The following PPM1L variants were observed in gnomAD, a reference collection of about 807,000 sequenced individuals.
PPM1L encodes the protein protein phosphatase, Mg2+/Mn2+ dependent 1L, also known as protein phosphatase 1L.
Under a neutral mutation model 31.4 loss-of-function variants are expected in PPM1L, and 13 were observed. The ratio of observed to expected loss-of-function variants is 0.41; its 90% CI spans 0.27 to 0.66. PPM1L has a LOEUF of 0.66. Ranked by LOEUF, PPM1L falls within the 30% of genes least tolerant of loss-of-function variation. PPM1L has a pLI of 0.29. For synonymous variants in PPM1L, 184 were observed against 175.4 expected, an observed-to-expected ratio of 1.05 and a Z score of -0.39; for missense variants, 326 against 453.7, an observed-to-expected ratio of 0.72 and a Z score of 2.56.
At chr3:161,019,969 A>C (rs965467798) in intron 2 of PPM1L, among the ~76,000 whole-genome samples, 2 of 152,080 alleles carry the variant, frequency 1.3e-5, no homozygotes, top group African/African-American at 2.4e-5. Context: ...TACTAAAAAT[A>C]CAAAAAATTA....
At chr3:160,885,594 G>A (rs1351572999) in intron 1 of PPM1L, among the ~76,000 whole-genome samples, 2 of 152,100 alleles carry the variant, frequency 1.3e-5, no homozygotes, top group Non-Finnish European at 2.9e-5. Context: ...ACAGTGTGGT[G>A]TGGTGGCCCA....
rs370589413 is a variant in PPM1L, at chr3:161,046,850, C to G, written c.575-18553C>G. On this transcript the variant is annotated intron_variant, in intron 2 of 3. Transcript: ENST00000498165. ...CCAAAAACAAAAACCACATGATTAT[C>G]TCAATGGATGCAGAAAAGGCCTTTG... is the stretch of plus-strand genomic sequence containing the variant. Among the ~76,000 whole-genome samples the G allele has an allele frequency of 4.6e-5, 7 of 152,284 alleles. No homozygotes were observed. The East Asian group carries it at 1.2e-3, about 25-fold the overall frequency.
chr3:160,835,042 T>A (rs146972398), intron 1 of PPM1L, among the ~76,000 whole-genome samples: 235 of 114,300 alleles, frequency 2.1e-3, no homozygotes, highest in Middle Eastern at 4.5e-3. Context: ...TACTACTACT[T>A]CTTCTTCTTC....
intron 2 of PPM1L, among the ~76,000 whole-genome samples, chr3:161,036,956 G>A (rs1445660858): frequency 6.6e-6 from 1 of 152,034 alleles, no homozygotes; most frequent in Non-Finnish European, 1.5e-5. Flanking sequence ...TCGTAAAAAA[G>A]GTCTGTATTC....
In PPM1L at chr3:160,756,915, C is replaced by T. The variant is rs1714824821; in HGVS notation, c.399+208C>T. ...TGCCAAAAGCACTGCTGGATCCAGA[C>T]TTCTTGGTGCTGAGGGTCCACTTTA... On this transcript the variant is annotated intron_variant, in intron 1 of 3. Coordinates refer to ENST00000498165, the MANE Select transcript of PPM1L (RefSeq NM_139245.4). The surrounding 1 kb of genome is among the most constrained non-coding windows in gnomAD (Gnocchi z 6.2). Among the ~76,000 whole-genome samples the T allele has an allele frequency of 6.6e-6, 1 of 151,980 alleles. No homozygotes were observed. The highest frequency in any genetic ancestry group is 2.4e-5 in the African/African-American group (1 of 41,386).
chr3:160,936,547 G>A (rs1298804329), intron 1 of PPM1L, among the ~76,000 whole-genome samples: 1 of 152,150 alleles, frequency 6.6e-6, no homozygotes, highest in Admixed American at 6.5e-5. Context: ...ATTCCCAAGG[G>A]TGTATTTTGA....
intron 2 of PPM1L, among the ~76,000 whole-genome samples, chr3:161,047,091 G>A (rs1033643526): frequency 5.3e-5 from 8 of 152,146 alleles, no homozygotes; most frequent in Non-Finnish European, 1.0e-4. Flanking sequence ...TCTGGCCAGG[G>A]CAATCAGGCA....
intron 1 of PPM1L, among the ~76,000 whole-genome samples, chr3:160,914,741 A>G (rs1431671499): frequency 2.6e-5 from 4 of 152,102 alleles, no homozygotes; most frequent in African/African-American, 9.7e-5. Flanking sequence ...ATAGTGCCGC[A>G]CTAAACATAT....
rs552933334 is a variant in PPM1L at position 161,070,380 on chromosome 3, T to G, written c.*1223T>G. ...AATCTCCATCCACATCAGGGAGCTT[T>G]CCCCAGGCAAATACAAACCGCCCCG... On this transcript the variant is annotated 3_prime_UTR_variant, in exon 4 of 4. Coordinates refer to ENST00000498165, the MANE Select transcript of PPM1L (RefSeq NM_139245.4). 1.3e-5 allele frequency: 2 copies of G among 152,184 alleles called. No individual in the cohort carries two copies. Among genetic ancestry groups the G allele is most frequent in the Admixed American group, 1.3e-4 (2 of 15,284 alleles). The allele number at this position is 152,184 out of a possible 1,614,324, so 9.4% of individuals were successfully genotyped here.
At chr3:160,862,694 AC>A (rs1711942963) in intron 1 of PPM1L, among the ~76,000 whole-genome samples, 1 of 145,700 alleles carries the variant, frequency 6.9e-6, no homozygotes, top group South Asian at 2.1e-4. Flanking sequence ...ACACACACAC[AC>A]ACACACACAA....
At chr3:160,790,636 T>A (rs1229326828) in intron 1 of PPM1L, among the ~76,000 whole-genome samples, 1 of 152,092 alleles carries the variant, frequency 6.6e-6, no homozygotes, top group East Asian at 1.9e-4. Flanking sequence ...GATGTATTAT[T>A]GTCATGAAAA....
chr3:160,903,872 T>C (rs1450101934), intron 1 of PPM1L, among the ~76,000 whole-genome samples: 1 of 152,182 alleles, frequency 6.6e-6, no homozygotes, highest in East Asian at 1.9e-4. Context: ...CTGTAAATTA[T>C]ATATTTATGC....
chr3:161,010,190 C>T (rs1717845404), intron 2 of PPM1L, among the ~76,000 whole-genome samples: 1 of 151,840 alleles, frequency 6.6e-6, no homozygotes, highest in Non-Finnish European at 1.5e-5. Flanking sequence ...GTGTGATGTT[C>T]CCCTTCCCGT....
intron 1 of PPM1L, among the ~76,000 whole-genome samples, chr3:160,834,345 A>C (rs1190151408): frequency 6.6e-6 from 1 of 151,906 alleles, no homozygotes; most frequent in African/African-American, 2.4e-5. Context: ...TTCTTTCCCC[A>C]TTGCTTGTTT....
At chr3:160,873,540 A>AATTATTATT (rs60234661) in intron 1 of PPM1L, among the ~76,000 whole-genome samples, 50 of 150,650 alleles carry the variant, frequency 3.3e-4, no homozygotes, top group African/African-American at 1.2e-3. Flanking sequence ...GCTCTAGTAG[A>AATTATTATT]ATTATTATTA....
intron 1 of PPM1L, among the ~76,000 whole-genome samples, chr3:160,935,320 CTAACTTAATCTTCTTTAAAGAATGGTA>C (rs1406659641): frequency 6.6e-6 from 1 of 152,190 alleles, no homozygotes; most frequent in Non-Finnish European, 1.5e-5. Context: ...TATCTCCACC[CTAACTTAATCTTCTTTAAAGAATGGTA>C]TAATTTACAA....
chr3:160,886,598 C>T (rs924528992), intron 1 of PPM1L, among the ~76,000 whole-genome samples: 5 of 152,068 alleles, frequency 3.3e-5, no homozygotes, highest in East Asian at 1.9e-4. Flanking sequence ...CCCAGCAAAC[C>T]GCAGCAGCCC....
intron 2 of PPM1L, among the ~76,000 whole-genome samples, chr3:160,984,639 G>A (rs1432303072): frequency 6.6e-6 from 1 of 152,166 alleles, no homozygotes; most frequent in Non-Finnish European, 1.5e-5. Flanking sequence ...ATGTTCTTCT[G>A]CCGTGGCTTC....
At chr3:160,819,630 C>T (rs1026717619) in intron 1 of PPM1L, among the ~76,000 whole-genome samples, 2 of 151,972 alleles carry the variant, frequency 1.3e-5, no homozygotes, top group African/African-American at 4.8e-5. Context: ...TTCTTGCCCT[C>T]ATGGAACTTA....
Sources: allele counts gnomAD v4.1 joint callset (sites outside exome capture counted in the v4.1 genomes callset), GRCh38; gene constraint gnomAD v4.1.1; non-coding constraint Gnocchi (gnomAD v3.1); transcripts MANE v1.5; gene names NCBI Gene and HGNC (gene_info 2026-07-23, HGNC 2026-07-21).